The following FBXW8 variants were observed in gnomAD, a reference collection of about 807,000 sequenced individuals.
The protein encoded by FBXW8 is F-box and WD repeat domain containing 8.
Under a neutral mutation model 65.3 loss-of-function variants are expected in FBXW8, and 57 were observed. That is an observed-to-expected ratio of 0.87 (90% confidence interval 0.71 to 1.09). The LOEUF is 1.09. FBXW8 is among the 50% of genes least tolerant of loss of function. The pLI is 0.00. For missense variants in FBXW8, 777 were observed against 814.8 expected (o/e 0.95, Z 0.57); for synonymous variants, 308 against 330.2 (o/e 0.93, Z 0.73).
intron 8 of FBXW8, among the ~76,000 whole-genome samples, chr12:117,014,472 G>A (rs79209751): frequency 0.013 from 2,001 of 152,226 alleles, 52 homozygotes; most frequent in African/African-American, 0.045. Flanking sequence ...ACATTTTCCC[G>A]TTTGGCTTTT....
chr12:116,993,235 C>G (rs1818015615), intron 7 of FBXW8, among the ~76,000 whole-genome samples: 1 of 150,390 alleles, frequency 6.6e-6, no homozygotes, highest in African/African-American at 2.4e-5. Flanking sequence ...TCCCGAGTAG[C>G]TGGGATTACA....
intron 5 of FBXW8, among the ~76,000 whole-genome samples, chr12:116,971,312 AT>A (rs1458106551): frequency 6.6e-6 from 1 of 151,134 alleles, no homozygotes; most frequent in Non-Finnish European, 1.5e-5. Context: ...GCTGTGCGTG[AT>A]TGCTCTGCTG....
At chr12:116,983,111 A>C (rs746799084) in intron 5 of FBXW8, among the ~76,000 whole-genome samples, 18 of 152,218 alleles carry the variant, frequency 1.2e-4, no homozygotes, top group Non-Finnish European at 2.5e-4. Flanking sequence ...GAAGACTCAG[A>C]AGCTCTATGC....
At chr12:117,021,394 G>T (rs1954090397) in intron 8 of FBXW8, among the ~76,000 whole-genome samples, 1 of 152,002 alleles carries the variant, frequency 6.6e-6, no homozygotes, top group Admixed American at 6.6e-5. Context: ...TTTATCATTG[G>T]ACTGACTTTC....
At chr12:116,972,114 G>T (rs1318005815) in intron 5 of FBXW8, among the ~76,000 whole-genome samples, 2 of 152,158 alleles carry the variant, frequency 1.3e-5, no homozygotes, top group African/African-American at 4.8e-5. Flanking sequence ...TTTCTTGGAG[G>T]TGGTTTTACT....
At position 116,953,156 on chromosome 12, in the gene FBXW8, T is replaced by C. The variant is rs555550428; in HGVS notation, c.677+3450T>C. ...CTCCCCTTGTCCCCTGCCACCTATA[T>C]ATGATGTTATATGGGAAACTAGAGA... On this transcript the variant is annotated intron_variant, in intron 4 of 10. Coordinates refer to ENST00000652555, the MANE Select transcript of FBXW8 (RefSeq NM_153348.3). Among the ~76,000 whole-genome samples the C allele has an allele frequency of 3.9e-5, 6 of 152,358 alleles. No individual in the cohort carries two copies. In the South Asian group the frequency reaches 1.2e-3, roughly 32 times the overall value.
At chr12:116,924,551 A>G (rs778332875) in intron 1 of FBXW8, among the ~76,000 whole-genome samples, 1 of 152,172 alleles carries the variant, frequency 6.6e-6, no homozygotes. Context: ...TTTTATATCC[A>G]TTAACCAACC....
intron 2 of FBXW8, 55 bp downstream of exon 2, chr12:116,928,182 A>G (rs1881482427): frequency 9.4e-7 from 1 of 1,059,642 alleles, no homozygotes; most frequent in Non-Finnish European, 1.5e-6. Context: ...ATTAAGGTAT[A>G]GGACTCTCCG....
intron 5 of FBXW8, among the ~76,000 whole-genome samples, chr12:116,966,260 T>C (rs1884320423): frequency 6.6e-6 from 1 of 152,208 alleles, no homozygotes; most frequent in Non-Finnish European, 1.5e-5. Context: ...TTTGCTACTT[T>C]CCAAATTATC....
intron 7 of FBXW8, among the ~76,000 whole-genome samples, chr12:117,003,703 G>T (rs1316669493): frequency 1.3e-5 from 2 of 152,106 alleles, no homozygotes; most frequent in African/African-American, 2.4e-5. Flanking sequence ...AGGTAGTTTT[G>T]CTAGTCTTTT....
intron 8 of FBXW8, 79 bp from the exon 9 acceptor site, chr12:117,024,068 A>T: frequency 6.7e-7 from 1 of 1,482,520 alleles, no homozygotes; most frequent in Non-Finnish European, 9.2e-7. Flanking sequence ...ATAGACCAGC[A>T]CCGTGGAGGG....
intron 2 of FBXW8, among the ~76,000 whole-genome samples, chr12:116,941,320 G>A (rs572614295): frequency 6.4e-4 from 97 of 152,330 alleles, no homozygotes; most frequent in African/African-American, 2.3e-3. Context: ...CTGAGACAGC[G>A]TGACACTCTC....
chr12:117,019,736 T>C (rs16947228), intron 8 of FBXW8, among the ~76,000 whole-genome samples: 4,099 of 152,202 alleles, frequency 0.027, 180 homozygotes, highest in African/African-American at 0.087. Context: ...AGAGTGTGAC[T>C]GTTGAAGGCC....
intron 5 of FBXW8, among the ~76,000 whole-genome samples, chr12:116,969,916 G>A (rs1884550279): frequency 6.6e-6 from 1 of 152,100 alleles, no homozygotes; most frequent in African/African-American, 2.4e-5. Context: ...CCTTGTTTCC[G>A]ATTGTCAGCA....
chr12:116,930,335 CT>C (rs1881672920), intron 2 of FBXW8, among the ~76,000 whole-genome samples: 1 of 152,132 alleles, frequency 6.6e-6, no homozygotes, highest in African/African-American at 2.4e-5. Context: ...CTTGTTTTGT[CT>C]TTTTGGTAAT....
At chr12:116,998,667 G>T (rs764104928) in intron 7 of FBXW8, among the ~76,000 whole-genome samples, 6 of 152,100 alleles carry the variant, frequency 3.9e-5, no homozygotes, top group African/African-American at 4.8e-5. Flanking sequence ...AAATCAGCTC[G>T]TTCTCCAGTT....
intron 7 of FBXW8, among the ~76,000 whole-genome samples, chr12:117,000,026 G>GGCT (rs933017799): frequency 7.3e-6 from 1 of 137,642 alleles, no homozygotes; most frequent in African/African-American, 2.6e-5. Flanking sequence ...CTGTCTCCCA[G>GGCT]GCTGGAGCGC....
chr12:116,913,480 A>G (rs961443053), intron 1 of FBXW8, among the ~76,000 whole-genome samples: 1 of 152,244 alleles, frequency 6.6e-6, no homozygotes, highest in African/African-American at 2.4e-5. Context: ...TGTGTGTTAT[A>G]TACTGTAGCA....
intron 7 of FBXW8, among the ~76,000 whole-genome samples, chr12:117,000,136 C>CA: frequency 6.6e-6 from 1 of 152,300 alleles, no homozygotes; most frequent in East Asian, 1.9e-4. Flanking sequence ...CGCCCGCCAC[C>CA]ACGCCTGCCT....
Sources: gnomAD v4.1 joint callset for allele counts (sites outside exome capture counted in the v4.1 genomes callset) on GRCh38, gnomAD v4.1.1 for gene constraint, MANE v1.5 for transcripts, NCBI Gene and HGNC (gene_info 2026-07-23, HGNC 2026-07-21) for gene names.